Variants in LAMA2 observed in about 807,000 individuals in gnomAD.
LAMA2 encodes the protein laminin subunit alpha-2.
A neutral mutation model predicts 364.8 loss-of-function variants in LAMA2; 269 were observed. The observed-to-expected ratio is 0.74, with a 90% confidence interval of 0.67 to 0.82. LAMA2 has a LOEUF of 0.82. Among genes scored for constraint, LAMA2 ranks in the 40% least tolerant of loss-of-function variants. The probability of loss-of-function intolerance (pLI) is 0.00; values close to 1 mark genes in which losing one functional copy is unlikely to be tolerated. For missense variants in LAMA2, 3,807 were observed against 3,873.2 expected (o/e 0.98, Z 0.45); for synonymous variants, 1,379 against 1,370.6 (o/e 1.01, Z -0.14).
At chr6:128,982,840 C>T (rs1156984162) in intron 1 of LAMA2, among the ~76,000 whole-genome samples, 2 of 148,398 alleles carry the variant, frequency 1.3e-5, no homozygotes, top group Non-Finnish European at 3.0e-5. Context: ...CAATTCCCAC[C>T]TATGAGTGAG....
intron 37 of LAMA2, among the ~76,000 whole-genome samples, chr6:129,396,840 G>A (rs1311361885): frequency 1.3e-5 from 2 of 151,978 alleles, no homozygotes; most frequent in African/African-American, 4.8e-5. Flanking sequence ...AGTCGGGCAT[G>A]GTGGTGCATG....
chr6:129,078,600 A>G (rs549682524), intron 3 of LAMA2, among the ~76,000 whole-genome samples: 48 of 152,308 alleles, frequency 3.2e-4, no homozygotes, highest in African/African-American at 1.1e-3. Flanking sequence ...GGACCATATT[A>G]TCACTTATGG....
chr6:129,302,433 G>C (rs1343892200), intron 22 of LAMA2, among the ~76,000 whole-genome samples: 1 of 151,966 alleles, frequency 6.6e-6, no homozygotes, highest in Non-Finnish European at 1.5e-5. Context: ...GTATGTTAAA[G>C]CTTGCTTTTC....
chr6:128,961,317 TGA>T (rs1781476193), intron 1 of LAMA2, among the ~76,000 whole-genome samples: 1 of 43,358 alleles, frequency 2.3e-5, no homozygotes, highest in Non-Finnish European at 5.2e-5. Context: ...AGAACTAATA[TGA>T]TATATATATA....
chr6:129,342,875 T>C (rs1583537433), intron 30 of LAMA2, among the ~76,000 whole-genome samples: 1 of 152,172 alleles, frequency 6.6e-6, no homozygotes, highest in East Asian at 1.9e-4. Flanking sequence ...TTATTTTATG[T>C]GTTTAATTCA....
At chr6:129,249,641 G>C (rs1270338569) in intron 12 of LAMA2, among the ~76,000 whole-genome samples, 1 of 152,092 alleles carries the variant, frequency 6.6e-6, no homozygotes, top group Non-Finnish European at 1.5e-5. Context: ...ACATTTCTCA[G>C]CTTAGTGTAT....
At chr6:129,305,325 C>CTTT (rs200290155) in intron 22 of LAMA2, among the ~76,000 whole-genome samples, 4 of 145,056 alleles carry the variant, frequency 2.8e-5, no homozygotes, top group Non-Finnish European at 4.5e-5. Context: ...TAATGTGTGC[C>CTTT]TTTTTTTTTT....
At chr6:129,186,487 G>T (rs114079272) in intron 10 of LAMA2, among the ~76,000 whole-genome samples, 1 of 150,600 alleles carries the variant, frequency 6.6e-6, no homozygotes, top group South Asian at 2.1e-4. Context: ...TTTACTGTGT[G>T]TATTTATTTA....
rs1191315977 is a variant in LAMA2, at chr6:129,168,214, G to A, written c.1306+2539G>A. Reference sequence around the variant, plus strand: ...TTGTCTTTTGTTGCCATTGCTTTTGGTGTTTTAGACATGAAGTCCTTGCCC... The same window carrying A: ...TTGTCTTTTGTTGCCATTGCTTTTGATGTTTTAGACATGAAGTCCTTGCCC... On this transcript the variant is annotated intron_variant, in intron 9 of 64. Coordinates refer to ENST00000421865, the MANE Select transcript of LAMA2 (RefSeq NM_000426.4). Among the ~76,000 whole-genome samples the A allele has an allele frequency of 4.0e-5, 6 of 149,416 alleles. No individual in the cohort carries two copies. In the East Asian group the frequency reaches 5.9e-4, roughly 15 times the overall value.
In LAMA2 at chr6:129,238,571, G is replaced by T. The variant is rs1785166081; in HGVS notation, c.1783-11541G>T. Reference sequence around the variant, plus strand: ...AGCGTGTTCATGTGTGTGTGTGTGTGTGTGTGAGAGAGAGAGAGAGAGAGA... The same window carrying T: ...AGCGTGTTCATGTGTGTGTGTGTGTTTGTGTGAGAGAGAGAGAGAGAGAGA... On this transcript the variant is annotated intron_variant, in intron 12 of 64. Coordinates refer to ENST00000421865, the MANE Select transcript of LAMA2 (RefSeq NM_000426.4). Among the ~76,000 whole-genome samples, 7 of 40,006 alleles carry T rather than the reference G, an allele frequency of 1.7e-4. No individual in the cohort carries two copies. In the South Asian group the frequency reaches 7.7e-3, roughly 44 times the overall value. The allele number at this position is 40,006 out of a possible 152,430, so 26.2% of individuals were successfully genotyped here.
chr6:129,057,932 C>A (rs1788601849), intron 2 of LAMA2, among the ~76,000 whole-genome samples: 1 of 152,254 alleles, frequency 6.6e-6, no homozygotes, highest in South Asian at 2.1e-4. Flanking sequence ...GAAACATCTT[C>A]CCAGATACTT....
intron 14 of LAMA2, among the ~76,000 whole-genome samples, chr6:129,255,508 T>C (rs1250052059): frequency 2.7e-5 from 4 of 148,706 alleles, no homozygotes; most frequent in Non-Finnish European, 4.5e-5. Context: ...GGATTTTACA[T>C]GAGTAAGCCT....
chr6:129,514,299 CATT>C (rs1786847223), intron 63 of LAMA2, 71 bp from the exon 64 acceptor site: 5 of 1,070,250 alleles, frequency 4.7e-6, no homozygotes, highest in Non-Finnish European at 7.2e-6. Flanking sequence ...GAGACCTGAT[CATT>C]TGTATGTGTG....
intron 45 of LAMA2, among the ~76,000 whole-genome samples, chr6:129,452,620 A>G (rs1227776813): frequency 3.3e-5 from 5 of 152,342 alleles, no homozygotes; most frequent in Middle Eastern, 3.4e-3. Context: ...GTAAAATTTC[A>G]TTAAACAACC....
chr6:128,895,469 A>T (rs908474255), intron 1 of LAMA2, among the ~76,000 whole-genome samples: 1 of 87,594 alleles, frequency 1.1e-5, no homozygotes, highest in East Asian at 2.3e-4. Flanking sequence ...TGTCTCTACT[A>T]AAAAAAAAAA....
intron 1 of LAMA2, among the ~76,000 whole-genome samples, chr6:128,969,856 T>A (rs1464667160): frequency 6.6e-6 from 1 of 152,254 alleles, no homozygotes; most frequent in Non-Finnish European, 1.5e-5. Context: ...GGTATTTGTA[T>A]GCAAGTGGGC....
intron 1 of LAMA2, among the ~76,000 whole-genome samples, chr6:128,941,808 C>G (rs1213277101): frequency 6.6e-6 from 1 of 152,144 alleles, no homozygotes; most frequent in Non-Finnish European, 1.5e-5. Context: ...GAGTTGGTAT[C>G]TACTGATGGT....
intron 1 of LAMA2, among the ~76,000 whole-genome samples, chr6:128,912,876 A>G (rs1273934033): frequency 1.4e-4 from 22 of 152,212 alleles, no homozygotes; most frequent in Admixed American, 1.4e-3. Flanking sequence ...AGTTTTGAAC[A>G]GAAGAGAATT....
At chr6:128,912,585 A>G (rs1257932663) in intron 1 of LAMA2, among the ~76,000 whole-genome samples, 1 of 152,208 alleles carries the variant, frequency 6.6e-6, no homozygotes, top group Non-Finnish European at 1.5e-5. Flanking sequence ...GAAAAGAAAA[A>G]TCCCAATTTA....
Sources: gnomAD v4.1 joint callset for allele counts (sites outside exome capture counted in the v4.1 genomes callset) on GRCh38, gnomAD v4.1.1 for gene constraint, MANE v1.5 for transcripts, NCBI Gene and HGNC (gene_info 2026-07-23, HGNC 2026-07-21) for gene names.